Variants in ERBB2 observed in about 807,000 individuals in gnomAD.
ERBB2 encodes the protein receptor tyrosine-protein kinase erbB-2.
ERBB2 carries 61 observed loss-of-function variants against 149.0 expected under a neutral mutation model. The observed-to-expected ratio is 0.41, with a 90% CI of 0.33 to 0.51. ERBB2 has a LOEUF of 0.51. Ranked by LOEUF, ERBB2 falls within the 20% of genes least tolerant of loss-of-function variation. ERBB2 has a pLI of 0.25. For missense variants in ERBB2, 1,205 were observed against 1,655.1 expected, an observed-to-expected ratio of 0.73 and a Z score of 4.72; for synonymous variants, 633 against 678.8, an observed-to-expected ratio of 0.93 and a Z score of 1.05.
chr17:39,695,629 TTC>T (rs2057840280), upstream of ERBB2, among the ~76,000 whole-genome samples: 1 of 150,494 alleles, frequency 6.6e-6, no homozygotes, highest in Non-Finnish European at 1.5e-5. Context: ...TCCTCCCGAT[TTC>T]TGTTTGTTTT....
rs2145508078 is a variant in ERBB2, at chr17:39,710,215, C to T, written c.759+14C>T. 1.2e-6 allele frequency: 2 copies of T among 1,611,344 alleles called. No homozygotes were observed. The highest frequency in any genetic ancestry group is 1.7e-6 in the Non-Finnish European group (2 of 1,178,198). On this transcript the variant is annotated intron_variant, in intron 6 of 26. Transcript: ENST00000269571. ...TCTGACTGCCTGGTATGTGCCTCTG[C>T]TTTGTGCCCAATGTGCTCTACCCCC...
upstream of ERBB2, among the ~76,000 whole-genome samples, chr17:39,690,920 G>A (rs557941286): frequency 1.7e-4 from 26 of 151,852 alleles, no homozygotes; most frequent in African/African-American, 4.6e-4. Context: ...TTGGGAGGGC[G>A]AGGCAGGTGG....
upstream of ERBB2, among the ~76,000 whole-genome samples, chr17:39,694,251 A>ATGTGTG (rs1567888019): frequency 1.0e-4 from 3 of 30,082 alleles, no homozygotes; most frequent in Non-Finnish European, 1.7e-4. Context: ...ATATATATAT[A>ATGTGTG]TATATATATA....
At chr17:39,708,915 C>CA (rs2058628359) in intron 3 of ERBB2, among the ~76,000 whole-genome samples, 1 of 152,178 alleles carries the variant, frequency 6.6e-6, no homozygotes, top group Admixed American at 6.5e-5. Context: ...AGGAAAAAAT[C>CA]AGTGTTATTC....
intron 15 of ERBB2, 38 bp from the exon 16 acceptor site, chr17:39,719,749 G>A: frequency 3.1e-6 from 5 of 1,608,704 alleles, no homozygotes; most frequent in Non-Finnish European, 4.3e-6. Context: ...CCAAGAGGGT[G>A]GTTCCCAGAA....
In ERBB2 at chr17:39,725,269, C is replaced by A. The variant is rs2059687562; in HGVS notation, c.2650-58C>A. On this transcript the variant is annotated intron_variant, in intron 21 of 26. Coordinates refer to ENST00000269571, the MANE Select transcript of ERBB2 (RefSeq NM_004448.4). This position sits in a 1 kb window ranked among gnomAD's most constrained non-coding sequence, Gnocchi z 4.6. ...GTGGTGTCTAGCCCATGGGAGAACTCTGAGTGGCCACCTCCCCACAACACA... is the reference window on the plus strand; with the variant it reads ...GTGGTGTCTAGCCCATGGGAGAACTATGAGTGGCCACCTCCCCACAACACA... 7 of 1,613,242 alleles carry A rather than the reference C, an allele frequency of 4.3e-6. No individual in the cohort carries two copies. The highest frequency in any genetic ancestry group is 2.2e-5 in the East Asian group (1 of 44,850).
chr17:39,716,617 G>A lies in ERBB2; in HGVS notation c.1737+12G>A, dbSNP rs1272201742. ...CCTGTTTTGGACCGGTGAGCTGCTG[G>A]CGGGCTCAGAGCTGGGTGGAGGGGG... On this transcript the variant is annotated intron_variant, in intron 14 of 26. Transcript: ENST00000269571. The A allele has an allele frequency of 1.9e-6, 3 of 1,613,128 alleles. No individual in the cohort carries two copies. The highest frequency in any genetic ancestry group is 2.5e-6 in the Non-Finnish European group (3 of 1,179,526).
chr17:39,691,934 CATATATATATAT>C (rs57592884), upstream of ERBB2, among the ~76,000 whole-genome samples: 6 of 120,884 alleles, frequency 5.0e-5, no homozygotes, highest in Non-Finnish European at 8.2e-5. Context: ...TATACATATA[CATATATATATAT>C]ATATATATAT....
intron 2 of ERBB2, chr17:39,707,425 C>T (rs1385100116): frequency 3.1e-6 from 1 of 324,872 alleles, no homozygotes; most frequent in Non-Finnish European, 5.6e-6. Context: ...CCCTGTCCAC[C>T]TGCTCCAGCC....
intron 9 of ERBB2, among the ~76,000 whole-genome samples, chr17:39,712,970 G>A (rs1328410752): frequency 2.0e-5 from 3 of 152,170 alleles, no homozygotes; most frequent in African/African-American, 4.8e-5. Flanking sequence ...GATCAGAACG[G>A]TGGTTGCCCC....
upstream of ERBB2, among the ~76,000 whole-genome samples, chr17:39,693,486 G>A (rs931099761): frequency 6.6e-6 from 1 of 151,784 alleles, no homozygotes; most frequent in Admixed American, 6.6e-5. Context: ...TAGACTATTA[G>A]TTTTTTTTGT....
upstream of ERBB2, among the ~76,000 whole-genome samples, chr17:39,694,251 ATATATATATATATATATGTG>A (rs2057794301): frequency 3.3e-5 from 1 of 30,068 alleles, no homozygotes; most frequent in Admixed American, 3.6e-4. Context: ...ATATATATAT[ATATATATATATATATATGTG>A]TGTATATATA....
At chr17:39,699,536 G>A, upstream of ERBB2, 1 of 1,534,796 alleles carries the variant, frequency 6.5e-7, no homozygotes. Context: ...ATGCTTTTCA[G>A]ATACTTCAAA....
At chr17:39,709,716 C>T (rs745740997) in intron 4 of ERBB2, 97 bp from the exon 5 acceptor site, 7 of 1,246,704 alleles carry the variant, frequency 5.6e-6, no homozygotes, top group South Asian at 2.5e-5. Context: ...CAGTTGGCCT[C>T]GTGGCCTCTG....
upstream of ERBB2, among the ~76,000 whole-genome samples, chr17:39,697,099 C>A (rs1048982008): frequency 6.6e-6 from 1 of 152,054 alleles, no homozygotes; most frequent in African/African-American, 2.4e-5. Context: ...TCTCTCTAGC[C>A]CTAAGACATC....
At chr17:39,714,809 C>T (rs1285579042) in intron 9 of ERBB2, among the ~76,000 whole-genome samples, 7 of 147,116 alleles carry the variant, frequency 4.8e-5, no homozygotes, top group Non-Finnish European at 7.4e-5. Context: ...CTCGCTTTAT[C>T]GCCAGGCTGG....
chr17:39,719,668 C>A, intron 15 of ERBB2, 119 bp from the exon 16 acceptor site: 1 of 995,576 alleles, frequency 1.0e-6, no homozygotes, highest in Non-Finnish European at 1.6e-6. Flanking sequence ...CCAGTTTCTG[C>A]CTTTGTCAAA....
At chr17:39,717,789 TAAC>T in intron 15 of ERBB2, 1 of 190,904 alleles carries the variant, frequency 5.2e-6, no homozygotes, top group Non-Finnish European at 1.0e-5. Context: ...GTGCACATTT[TAAC>T]ACACACACAC....
chr17:39,719,032 A>C (rs1384247796), intron 15 of ERBB2, among the ~76,000 whole-genome samples: 1 of 152,188 alleles, frequency 6.6e-6, no homozygotes, highest in Non-Finnish European at 1.5e-5. Context: ...AGGCCGAGGC[A>C]GGCAGATCAC....
Sources: gnomAD v4.1 joint callset for allele counts (sites outside exome capture counted in the v4.1 genomes callset) on GRCh38, gnomAD v4.1.1 for gene constraint, Gnocchi (gnomAD v3.1) non-coding constraint, MANE v1.5 for transcripts, NCBI Gene and HGNC (gene_info 2026-07-23, HGNC 2026-07-21) for gene names.